Variants in TDRD7 observed in about 807,000 individuals in gnomAD.
The protein encoded by TDRD7 is tudor domain containing 7.
TDRD7 carries 47 observed loss-of-function variants against 109.8 expected under a neutral mutation model. That is an observed-to-expected ratio of 0.43 (90% confidence interval 0.34 to 0.55). The LOEUF is 0.55. Ranked by LOEUF, TDRD7 falls within the 20% of genes least tolerant of loss-of-function variation. TDRD7 has a pLI of 0.03. For synonymous variants in TDRD7, 424 were observed against 457.3 expected, an observed-to-expected ratio of 0.93 and a Z score of 0.93; for missense variants, 1,164 against 1,319.2, an observed-to-expected ratio of 0.88 and a Z score of 1.82.
chr9:97,432,119 C>T lies in TDRD7; in HGVS notation c.444C>T (p.Asn148=), dbSNP rs144510531. Residue 148 remains asparagine (N), a synonymous_variant, in exon 4 of 17, where the codon AAC becomes AAT. Coordinates refer to ENST00000355295, the MANE Select transcript of TDRD7 (RefSeq NM_014290.3). ...CAGCACCGTTAAGAGACAAAGGAAA[C>T]TCTGTTGGAGTTAAGCCTGATGCTG... ...PNPAPLRDKG[N]SVGVKPDAEM... 796 of 1,613,746 alleles carry T rather than the reference C, an allele frequency of 4.9e-4. No homozygotes were observed. The highest frequency in any genetic ancestry group is 6.2e-4 in the Non-Finnish European group (728 of 1,179,806).
At chr9:97,414,819 G>A (rs1827785868) in intron 1 of TDRD7, among the ~76,000 whole-genome samples, 1 of 152,110 alleles carries the variant, frequency 6.6e-6, no homozygotes. Context: ...ACTATGATTA[G>A]AAAGAAAAGA....
At chr9:97,419,556 C>G (rs578070092) in intron 1 of TDRD7, among the ~76,000 whole-genome samples, 2 of 152,290 alleles carry the variant, frequency 1.3e-5, no homozygotes, top group Admixed American at 6.5e-5. Context: ...GTCCTCTTTC[C>G]TGCTCCCTGG....
In TDRD7 at chr9:97,467,355, C is replaced by A. The variant is rs114992758; in HGVS notation, c.1629+2327C>A. On this transcript the variant is annotated intron_variant, in intron 8 of 16. Coordinates refer to ENST00000355295, the MANE Select transcript of TDRD7 (RefSeq NM_014290.3). ...GGGCAGTCACTTTCTTTCCTCCCTC[C>A]CTCCTTCTACTTTGGGAATTCAGGC... 9.4e-4 allele frequency among the ~76,000 whole-genome samples: 143 copies of A among 152,326 alleles called. 1 individual carries two copies. The highest frequency in any genetic ancestry group is 3.4e-3 in the Middle Eastern group (1 of 294).
At chr9:97,463,558 C>T (rs1017411002) in intron 7 of TDRD7, among the ~76,000 whole-genome samples, 29 of 152,150 alleles carry the variant, frequency 1.9e-4, no homozygotes, top group African/African-American at 6.5e-4. Flanking sequence ...GTTCTTGTGG[C>T]ATCTCCCCTG....
chr9:97,443,238 G>A (rs1828343643), intron 6 of TDRD7, among the ~76,000 whole-genome samples: 1 of 152,100 alleles, frequency 6.6e-6, no homozygotes, highest in Non-Finnish European at 1.5e-5. Flanking sequence ...TTTTGCCTTA[G>A]GTGTTTTAAG....
intron 8 of TDRD7, among the ~76,000 whole-genome samples, chr9:97,467,333 C>A (rs1246491693): frequency 1.3e-5 from 2 of 152,218 alleles, no homozygotes; most frequent in African/African-American, 2.4e-5. Context: ...GTCTATAGGG[C>A]AGTCACTTTC....
chr9:97,430,919 C>T lies in TDRD7; in HGVS notation c.208-14C>T, dbSNP rs768104291. 1.3e-5 allele frequency: 21 copies of T among 1,613,660 alleles called. No individual in the cohort carries two copies. Among genetic ancestry groups the T allele is most frequent in the Non-Finnish European group, 1.7e-5 (20 of 1,179,714 alleles). ...GAGAAATGTTTCTCCTCTTACCCTG[C>T]CTCTAATGAATAGATTACCTGCTAT... is the stretch of plus-strand genomic sequence containing the variant. On this transcript the variant is annotated splice_polypyrimidine_tract_variant and intron_variant, in intron 2 of 16. Coordinates refer to ENST00000355295, the MANE Select transcript of TDRD7 (RefSeq NM_014290.3).
In TDRD7 at chr9:97,457,132, T is replaced by C. The variant is rs376238621; in HGVS notation, c.856-3046T>C. ...CCAACCACAGTGAGATACTATCTCA[T>C]GCCAGGCAGAATGGCAATTATTAAA... On this transcript the variant is annotated intron_variant, in intron 6 of 16. Coordinates refer to ENST00000355295, the MANE Select transcript of TDRD7 (RefSeq NM_014290.3). Among the ~76,000 whole-genome samples the C allele has an allele frequency of 1.1e-4, 17 of 152,304 alleles. No individual in the cohort carries two copies. The East Asian group carries it at 1.2e-3, about 10-fold the overall frequency.
At position 97,483,314 on chromosome 9, in the gene TDRD7, G is replaced by A. The variant is rs918346929; in HGVS notation, c.2878G>A (p.Glu960Lys). The change falls in exon 15 of 17, where the codon GAG (glutamate) becomes AAG (lysine). Residue 960 changes from glutamate (E) to lysine (K), a missense_variant. Glu to Lys is a moderately conservative substitution (Grantham distance 56). Coordinates refer to ENST00000355295, the MANE Select transcript of TDRD7 (RefSeq NM_014290.3). ...SVSEERHIAVEKDQVYAAKVE... is the reference protein window; with the variant it reads ...SVSEERHIAVKKDQVYAAKVE... ...GTCTGAAGAGCGCCACATAGCAGTG[G>A]AGAAAGACCAAGTGTATGCTGCAAA... is the stretch of plus-strand genomic sequence containing the variant. 1.2e-6 allele frequency: 2 copies of A among 1,614,168 alleles called. No homozygotes were observed. Among genetic ancestry groups the A allele is most frequent in the Non-Finnish European group, 1.7e-6 (2 of 1,180,030 alleles).
chr9:97,431,960 G>T (rs182060367), intron 3 of TDRD7, 65 bp from the exon 4 acceptor site: 1 of 1,380,746 alleles, frequency 7.2e-7, no homozygotes, highest in African/African-American at 1.4e-5. Flanking sequence ...GGTCAGGGGA[G>T]TGTCATAATG....
At chr9:97,478,925 A>G (rs770490876) in intron 13 of TDRD7, among the ~76,000 whole-genome samples, 3 of 151,828 alleles carry the variant, frequency 2.0e-5, no homozygotes, top group Non-Finnish European at 4.4e-5. Flanking sequence ...TAGTTTATTT[A>G]GGTAACCATT....
chr9:97,482,788 C>G (rs746030741), intron 14 of TDRD7, 61 bp from the exon 15 acceptor site: 2 of 1,567,810 alleles, frequency 1.3e-6, no homozygotes, highest in African/African-American at 1.4e-5. Context: ...GTTACTATAA[C>G]TGCCTCTCAA....
chr9:97,457,302 A>G (rs1828634141), intron 6 of TDRD7, among the ~76,000 whole-genome samples: 1 of 152,204 alleles, frequency 6.6e-6, no homozygotes, highest in Non-Finnish European at 1.5e-5. Flanking sequence ...CATTTGACCC[A>G]GCAATTCCAT....
At chr9:97,432,322 CT>C in intron 4 of TDRD7, 84 bp downstream of exon 4, 1 of 1,246,862 alleles carries the variant, frequency 8.0e-7, no homozygotes, top group Middle Eastern at 1.9e-4. Context: ...GAAAGAAACA[CT>C]TTCTATTTTA....
chr9:97,421,739 TGTG>T (rs1190921401), intron 1 of TDRD7, among the ~76,000 whole-genome samples: 1 of 136,144 alleles, frequency 7.3e-6, no homozygotes, highest in Non-Finnish European at 1.6e-5. Flanking sequence ...TGTGTGTGTG[TGTG>T]TGAAGACGGA....
At chr9:97,442,258 A>G in intron 6 of TDRD7, among the ~76,000 whole-genome samples, 1 of 152,044 alleles carries the variant, frequency 6.6e-6, no homozygotes, top group Non-Finnish European at 1.5e-5. Context: ...TTATTTGCTC[A>G]CTCTTGAGCA....
rs116329577 is a variant in TDRD7 at position 97,450,908 on chromosome 9, T to C, written c.855+9033T>C. On this transcript the variant is annotated intron_variant, in intron 6 of 16. Coordinates refer to ENST00000355295, the MANE Select transcript of TDRD7 (RefSeq NM_014290.3). Reference sequence around the variant, plus strand: ...AGTGACTCTCCAAAGTTAGGTCTCTTTTTTTTTTTTTTTAAACTAATGAGT... The same window carrying C: ...AGTGACTCTCCAAAGTTAGGTCTCTCTTTTTTTTTTTTTAAACTAATGAGT... Among the ~76,000 whole-genome samples, 1,233 of 144,836 alleles carry C rather than the reference T, an allele frequency of 8.5e-3. 12 individuals are homozygous for C. The highest frequency in any genetic ancestry group is 0.028 in the African/African-American group (1,123 of 40,028).
chr9:97,470,747 A>G, intron 9 of TDRD7, 78 bp downstream of exon 9: 1 of 1,068,076 alleles, frequency 9.4e-7, no homozygotes. Flanking sequence ...TGAATCCTAA[A>G]ATGGACTAAG....
At chr9:97,418,205 T>G (rs919265632) in intron 1 of TDRD7, among the ~76,000 whole-genome samples, 6 of 152,030 alleles carry the variant, frequency 3.9e-5, no homozygotes, top group African/African-American at 1.4e-4. Flanking sequence ...GAAATATAAC[T>G]TAGAAAAAAC....
Sources: gnomAD v4.1 joint callset for allele counts (sites outside exome capture counted in the v4.1 genomes callset) on GRCh38, gnomAD v4.1.1 for gene constraint, MANE v1.5 for transcripts, NCBI Gene and HGNC (gene_info 2026-07-23, HGNC 2026-07-21) for gene names.